TMEM117: variants seen among roughly 807,000 people sequenced by gnomAD.
TMEM117 encodes the protein transmembrane protein 117.
Under a neutral mutation model 52.4 loss-of-function variants are expected in TMEM117, and 27 were observed. The observed-to-expected ratio is 0.51, with a 90% confidence interval of 0.38 to 0.71. TMEM117 has a LOEUF of 0.71. Ranked by LOEUF, TMEM117 falls within the 30% of genes least tolerant of loss-of-function variation. TMEM117 has a pLI of 0.00. For missense variants in TMEM117, 556 were observed against 630.5 expected (o/e 0.88, Z 1.26); for synonymous variants, 215 against 206.3 (o/e 1.04, Z -0.36).
chr12:44,227,606 A>G (rs1949879525), intron 5 of TMEM117, among the ~76,000 whole-genome samples: 2 of 152,180 alleles, frequency 1.3e-5, no homozygotes, highest in Non-Finnish European at 1.5e-5. Context: ...AACTTTACTG[A>G]AAAGAAATCT....
intron 3 of TMEM117, among the ~76,000 whole-genome samples, chr12:44,117,491 A>G (rs1384546118): frequency 6.6e-6 from 1 of 152,018 alleles, no homozygotes; most frequent in Non-Finnish European, 1.5e-5. Flanking sequence ...GAGTCTTCCC[A>G]TTCTGTCCTG....
intron 2 of TMEM117, among the ~76,000 whole-genome samples, chr12:43,846,406 A>G (rs1943208882): frequency 6.6e-6 from 1 of 152,222 alleles, no homozygotes; most frequent in Non-Finnish European, 1.5e-5. Flanking sequence ...TTTATTACCT[A>G]GAGAGACTGG....
At chr12:44,346,144 A>G (rs1167330364) in intron 6 of TMEM117, among the ~76,000 whole-genome samples, 1 of 152,096 alleles carries the variant, frequency 6.6e-6, no homozygotes, top group Admixed American at 6.6e-5. Context: ...ATTTCAGTCT[A>G]AGTCTTAGCT....
chr12:44,335,357 G>T (rs1044766455), intron 6 of TMEM117, among the ~76,000 whole-genome samples: 10 of 152,018 alleles, frequency 6.6e-5, no homozygotes, highest in Admixed American at 5.3e-4. Flanking sequence ...AAGTCTCTGA[G>T]TAAAATCATT....
At chr12:44,301,524 T>C (rs978594382) in intron 6 of TMEM117, among the ~76,000 whole-genome samples, 1 of 152,156 alleles carries the variant, frequency 6.6e-6, no homozygotes, top group African/African-American at 2.4e-5. Context: ...TGGCTACAAG[T>C]AGCAATAACC....
At chr12:43,887,496 C>T (rs1345871737) in intron 2 of TMEM117, among the ~76,000 whole-genome samples, 1 of 152,170 alleles carries the variant, frequency 6.6e-6, no homozygotes, top group Admixed American at 6.5e-5. Context: ...AGAAACTAAA[C>T]TAAGGATGTT....
chr12:44,086,952 T>G (rs985857505), intron 3 of TMEM117, among the ~76,000 whole-genome samples: 1 of 147,600 alleles, frequency 6.8e-6, no homozygotes, highest in African/African-American at 2.5e-5. Flanking sequence ...AATTATATAA[T>G]ATATAATTAA....
intron 5 of TMEM117, among the ~76,000 whole-genome samples, chr12:44,273,589 T>G (rs1415298661): frequency 1.3e-5 from 2 of 151,750 alleles, no homozygotes; most frequent in Non-Finnish European, 2.9e-5. Context: ...CAAACCAAAT[T>G]CAACAATAAA....
chr12:44,159,191 G>A (rs1948866749), intron 4 of TMEM117, among the ~76,000 whole-genome samples: 1 of 152,190 alleles, frequency 6.6e-6, no homozygotes, highest in South Asian at 2.1e-4. Context: ...AAATGTTGCA[G>A]CCATGGGAAG....
chr12:43,959,670 G>A (rs7971516), intron 3 of TMEM117, among the ~76,000 whole-genome samples: 119,287 of 152,048 alleles, frequency 0.78, 48,908 homozygotes, highest in Non-Finnish European at 0.9. Flanking sequence ...TGTTTACACC[G>A]GTAGCTTCCT....
At chr12:44,020,769 C>T (rs1946443987) in intron 3 of TMEM117, among the ~76,000 whole-genome samples, 1 of 149,198 alleles carries the variant, frequency 6.7e-6, no homozygotes, top group Non-Finnish European at 1.5e-5. Context: ...CAGAACTCAG[C>T]CCACAATCTA....
At chr12:43,826,859 T>C in the TMEM117 span, among the ~76,000 whole-genome samples, 2 of 152,102 alleles carry the variant, frequency 1.3e-5, no homozygotes, top group Non-Finnish European at 2.9e-5. Context: ...ATCATTTCTG[T>C]ATCTGCCTGC....
chr12:44,370,300 A>G (rs1951844978), intron 6 of TMEM117, among the ~76,000 whole-genome samples: 2 of 152,148 alleles, frequency 1.3e-5, no homozygotes, highest in Non-Finnish European at 2.9e-5. Flanking sequence ...TCTGTGATCA[A>G]TGACAAATGG....
Position 44,388,242 on chromosome 12 carries a change from A to T in TMEM117, c.1115A>T (p.Lys372Ile). 6.2e-7 allele frequency: 1 copy of T among 1,613,534 alleles called. No individual in the cohort carries two copies. The highest frequency in any genetic ancestry group is 8.5e-7 in the Non-Finnish European group (1 of 1,179,654). ...AATCACACTAACCCTCGGACTAATA[A>T]AACATATGTTGAGGGAGACATGTTC... ...RSNHTNPRTN[K>I]TYVEGDMFLH... The change falls in exon 8 of 8, where the codon AAA (lysine) becomes ATA (isoleucine). Residue 372 changes from lysine (K) to isoleucine (I), a missense_variant. Lys to Ile is a moderately radical substitution (Grantham distance 102). This residue lies in a region of TMEM117 where 206 missense variants were observed against 211.1 expected (regional missense o/e 0.98). Coordinates refer to ENST00000266534, the MANE Select transcript of TMEM117 (RefSeq NM_032256.3).
At chr12:44,131,709 G>A (rs899009535) in intron 3 of TMEM117, among the ~76,000 whole-genome samples, 22 of 151,982 alleles carry the variant, frequency 1.4e-4, no homozygotes, top group African/African-American at 3.1e-4. Flanking sequence ...GTAAGAATCC[G>A]TCTTAATTTA....
chr12:44,184,024 T>C (rs1330468698), intron 4 of TMEM117, among the ~76,000 whole-genome samples: 1 of 152,088 alleles, frequency 6.6e-6, no homozygotes, highest in Non-Finnish European at 1.5e-5. Context: ...GCAGATGGAA[T>C]TCAGGTTACT....
chr12:43,970,109 C>A (rs1005216812), intron 3 of TMEM117, among the ~76,000 whole-genome samples: 11 of 152,152 alleles, frequency 7.2e-5, no homozygotes, highest in Non-Finnish European at 1.6e-4. Context: ...TTCAGCATAT[C>A]CACATTGGAT....
chr12:43,852,702 G>A (rs1000446843), intron 2 of TMEM117, among the ~76,000 whole-genome samples: 2 of 152,206 alleles, frequency 1.3e-5, no homozygotes, highest in Admixed American at 1.3e-4. Context: ...AAGTTACTTT[G>A]ACTGAATAGC....
At chr12:44,000,509 C>G (rs973258409) in intron 3 of TMEM117, among the ~76,000 whole-genome samples, 1 of 152,112 alleles carries the variant, frequency 6.6e-6, no homozygotes, top group Non-Finnish European at 1.5e-5. Context: ...TGAGGAGCTG[C>G]AGGCCCCAGA....
Sources: gnomAD v4.1 joint callset for allele counts (sites outside exome capture counted in the v4.1 genomes callset) on GRCh38, gnomAD v4.1.1 for gene constraint, gnomAD v4.1.1 regional missense constraint, MANE v1.5 for transcripts, NCBI Gene and HGNC (gene_info 2026-07-23, HGNC 2026-07-21) for gene names.